AK8: variants seen among roughly 807,000 people sequenced by gnomAD.
AK8 encodes adenylate kinase 8.
Under a neutral mutation model 54.6 loss-of-function variants are expected in AK8, and 44 were observed. That is an observed-to-expected ratio of 0.81 (90% CI 0.63 to 1.04). The LOEUF is 1.04. AK8 is among the 50% of genes least tolerant of loss of function. AK8 has a pLI of 0.00. For missense variants in AK8, 555 were observed against 613.6 expected (o/e 0.90, Z 1.01); for synonymous variants, 239 against 245.6 (o/e 0.97, Z 0.25).
At chr9:132,794,428 C>G (rs1011284464) in intron 10 of AK8, among the ~76,000 whole-genome samples, 8 of 152,136 alleles carry the variant, frequency 5.3e-5, no homozygotes, top group African/African-American at 1.9e-4. Flanking sequence ...CACATCTTGC[C>G]TGGGCCAGCC....
chr9:132,730,163 T>C (rs912087833), intron 11 of AK8, among the ~76,000 whole-genome samples: 1 of 152,166 alleles, frequency 6.6e-6, no homozygotes, highest in African/African-American at 2.4e-5. Flanking sequence ...TCAGACTGCC[T>C]CCTCCAAGTC....
At chr9:132,744,646 G>C (rs986291533) in intron 11 of AK8, among the ~76,000 whole-genome samples, 4 of 152,148 alleles carry the variant, frequency 2.6e-5, no homozygotes, top group Non-Finnish European at 5.9e-5. Flanking sequence ...TATTAATTAA[G>C]GGGGAAAAGT....
chr9:132,725,980 G>C (rs396801), intron 12 of AK8, 55 bp from the exon 13 acceptor site: 891,832 of 1,538,520 alleles, frequency 0.58, 260,586 homozygotes, highest in Admixed American at 0.75. Flanking sequence ...AAGCAGGGGA[G>C]AAAGGGACCC....
At chr9:132,825,677 G>A (rs527868441) in intron 8 of AK8, among the ~76,000 whole-genome samples, 79 of 152,338 alleles carry the variant, frequency 5.2e-4, no homozygotes, top group Non-Finnish European at 3.7e-4. Flanking sequence ...CGAGCTCAGT[G>A]TAGCAATGAG....
chr9:132,857,717 G>A (rs1294369452), intron 4 of AK8, among the ~76,000 whole-genome samples: 1 of 152,186 alleles, frequency 6.6e-6, no homozygotes, highest in Non-Finnish European at 1.5e-5. Context: ...GGACGCAGGG[G>A]GTGCCAGCCA....
chr9:132,744,873 G>A (rs1242096137), intron 11 of AK8, among the ~76,000 whole-genome samples: 1 of 152,210 alleles, frequency 6.6e-6, no homozygotes, highest in Non-Finnish European at 1.5e-5. Context: ...CGTAAGACAA[G>A]AATTAATTTA....
At chr9:132,734,757 C>T (rs938927679) in intron 11 of AK8, among the ~76,000 whole-genome samples, 7 of 151,894 alleles carry the variant, frequency 4.6e-5, no homozygotes, top group Admixed American at 2.6e-4. Context: ...AGGTTGGGCA[C>T]GGTGGCTCAC....
intron 11 of AK8, among the ~76,000 whole-genome samples, chr9:132,775,380 G>C (rs1839166743): frequency 6.6e-6 from 1 of 152,114 alleles, no homozygotes; most frequent in Non-Finnish European, 1.5e-5. Flanking sequence ...TTGGCTCACT[G>C]CAATTTCCAC....
At chr9:132,751,333 G>C (rs1305854580) in intron 11 of AK8, among the ~76,000 whole-genome samples, 2 of 144,770 alleles carry the variant, frequency 1.4e-5, no homozygotes, top group Non-Finnish European at 3.0e-5. Flanking sequence ...GCAGTGAGCC[G>C]AGATCATGTC....
At position 132,875,157 on chromosome 9, in the gene AK8, T is replaced by C. The variant is rs1316172299; in HGVS notation, c.127A>G (p.Ile43Val). The change falls in exon 2 of 13, where the codon ATC becomes GTC. Residue 43 changes from isoleucine to valine, a missense_variant. Coordinates refer to ENST00000298545, the MANE Select transcript of AK8 (RefSeq NM_152572.3). Reference sequence around the variant, plus strand: ...TGCAAGTGCTGGATCATGAAGGGGATGGGATCTTCGGGCTGGTGGATCAGG... The same window carrying C: ...TGCAAGTGCTGGATCATGAAGGGGACGGGATCTTCGGGCTGGTGGATCAGG... ...QLLIHQPEDP[I>V]PFMIQHLHRD... The C allele has an allele frequency of 6.2e-7, 1 of 1,614,112 alleles. No homozygotes were observed. Among genetic ancestry groups the C allele is most frequent in the East Asian group, 2.2e-5 (1 of 44,876 alleles).
At chr9:132,865,574 C>A (rs1843555162) in intron 3 of AK8, among the ~76,000 whole-genome samples, 1 of 152,072 alleles carries the variant, frequency 6.6e-6, no homozygotes, top group Non-Finnish European at 1.5e-5. Flanking sequence ...GTAATCCCAG[C>A]ACTTTGGGAG....
At chr9:132,726,139 G>C (rs949147180) in intron 12 of AK8, among the ~76,000 whole-genome samples, 1 of 152,108 alleles carries the variant, frequency 6.6e-6, no homozygotes, top group Non-Finnish European at 1.5e-5. Context: ...TCAAGGGAGA[G>C]GGAGAGAGAT....
At chr9:132,878,286 A>C, upstream of AK8, 1 of 1,328,238 alleles carries the variant, frequency 7.5e-7, no homozygotes, top group Non-Finnish European at 9.7e-7. This position sits in a 1 kb window ranked among gnomAD's most constrained non-coding sequence, Gnocchi z 4.7. Flanking sequence ...CTCCCTAGTA[A>C]CCGCGTCGCT....
chr9:132,854,915 C>T lies in AK8; in HGVS notation c.344G>A (p.Ser115Asn), dbSNP rs369860640. 2 of 1,613,868 alleles carry T rather than the reference C, an allele frequency of 1.2e-6. No individual in the cohort carries two copies. Among genetic ancestry groups the T allele is most frequent in the East Asian group, 2.2e-5 (1 of 44,864 alleles). The change falls in exon 5 of 13, where the codon AGC becomes AAC. Residue 115 changes from serine (S) to asparagine (N), a missense_variant. By Grantham distance (46) the Ser-to-Asn change is conservative (BLOSUM62 1). Coordinates refer to ENST00000298545, the MANE Select transcript of AK8 (RefSeq NM_152572.3). ...CTGAATCAGCTGGACGAGCAGCGCG[C>T]TGGGAACTGTCTGAAGGAAAAAGGA... ...RLYLQRKTVPSALLVQLIQER... is the reference protein window; with the variant it reads ...RLYLQRKTVPNALLVQLIQER...
chr9:132,739,219 G>C (rs915341064), intron 11 of AK8, among the ~76,000 whole-genome samples: 1 of 151,664 alleles, frequency 6.6e-6, no homozygotes, highest in African/African-American at 2.4e-5. Context: ...GGAGGCCGAG[G>C]CAGGTGGATT....
At chr9:132,734,184 TAC>T (rs370741322) in intron 11 of AK8, among the ~76,000 whole-genome samples, 4 of 152,178 alleles carry the variant, frequency 2.6e-5, no homozygotes, top group African/African-American at 9.7e-5. Flanking sequence ...TTGCGTAAAA[TAC>T]AGATTGCAGG....
chr9:132,862,453 G>A (rs988191914), intron 4 of AK8, among the ~76,000 whole-genome samples: 1 of 151,900 alleles, frequency 6.6e-6, no homozygotes, highest in Non-Finnish European at 1.5e-5. Flanking sequence ...TCAGTCTCCT[G>A]GGTAGCTGGG....
intron 11 of AK8, among the ~76,000 whole-genome samples, chr9:132,748,023 C>T (rs1837737148): frequency 6.6e-6 from 1 of 151,466 alleles, no homozygotes; most frequent in African/African-American, 2.4e-5. Flanking sequence ...CGCTTGAACC[C>T]AAGAGGTGGA....
chr9:132,841,530 T>C (rs1286262507), intron 5 of AK8, among the ~76,000 whole-genome samples: 3 of 152,188 alleles, frequency 2.0e-5, no homozygotes, highest in African/African-American at 7.2e-5. Flanking sequence ...AAAATGCCTT[T>C]GTCAGAAGGC....
Sources: gnomAD v4.1 joint callset for allele counts (sites outside exome capture counted in the v4.1 genomes callset) on GRCh38, gnomAD v4.1.1 for gene constraint, Gnocchi (gnomAD v3.1) non-coding constraint, MANE v1.5 for transcripts, NCBI Gene and HGNC (gene_info 2026-07-23, HGNC 2026-07-21) for gene names.